BCAS4: variants seen among roughly 807,000 people sequenced by gnomAD.
BCAS4 encodes the protein breast carcinoma-amplified sequence 4.
BCAS4 carries 9 observed loss-of-function variants against 15.7 expected under a neutral mutation model. That is an observed-to-expected ratio of 0.57 (90% CI 0.34 to 1.00). The LOEUF is 1.00. Among genes scored for constraint, BCAS4 ranks in the 50% least tolerant of loss-of-function variants. The probability of loss-of-function intolerance (pLI) is 0.02; values close to 1 mark genes in which losing one functional copy is unlikely to be tolerated. For missense variants in BCAS4, 225 were observed against 239.1 expected, an observed-to-expected ratio of 0.94 and a Z score of 0.39; for synonymous variants, 101 against 99.5, an observed-to-expected ratio of 1.02 and a Z score of -0.09.
chr20:50,816,215 G>A (rs941029798), intron 1 of BCAS4, among the ~76,000 whole-genome samples: 3 of 151,962 alleles, frequency 2.0e-5, no homozygotes, highest in South Asian at 2.1e-4. Flanking sequence ...TAGTAGAGAC[G>A]GGGTTTCGCC....
At position 50,823,347 on chromosome 20, in the gene BCAS4, C is replaced by CA. The variant is rs371427576; in HGVS notation, c.162+5075dup. 4.8e-3 allele frequency among the ~76,000 whole-genome samples: 677 copies of CA among 142,242 alleles called. 3 individuals are homozygous for CA. The highest frequency in any genetic ancestry group is 6.1e-3 in the Non-Finnish European group (396 of 64,816). The allele number at this position is 142,242 out of a possible 152,430, so 93.3% of individuals were successfully genotyped here. ...AGAGTGAGACTCCGTCCCCCCGGCC[C>CA]AAAAAAAAAAGAAGGCTTATTCATG... On this transcript the variant is annotated intron_variant, in intron 2 of 4. Transcript: ENST00000371608.
intron 4 of BCAS4, among the ~76,000 whole-genome samples, chr20:50,869,337 G>A (rs1223160875): frequency 6.6e-6 from 1 of 152,144 alleles, no homozygotes; most frequent in African/African-American, 2.4e-5. Flanking sequence ...AGAGGGGCTG[G>A]CCCAGGCTCT....
At chr20:50,867,980 C>T (rs552623510) in intron 4 of BCAS4, among the ~76,000 whole-genome samples, 1 of 152,214 alleles carries the variant, frequency 6.6e-6, no homozygotes, top group Admixed American at 6.5e-5. Context: ...CCACGCCCAG[C>T]CTCAGACTTT....
chr20:50,865,049 C>A (rs919645243), intron 4 of BCAS4, among the ~76,000 whole-genome samples: 1 of 152,104 alleles, frequency 6.6e-6, no homozygotes, highest in African/African-American at 2.4e-5. Flanking sequence ...GCCGAGATCG[C>A]ACCACTGCAC....
intron 2 of BCAS4, among the ~76,000 whole-genome samples, chr20:50,818,916 C>T (rs2088175878): frequency 1.3e-5 from 2 of 152,218 alleles, no homozygotes; most frequent in African/African-American, 4.8e-5. Flanking sequence ...GGTGCAGTGG[C>T]TCACACCTGT....
chr20:50,866,777 G>A (rs962045428), intron 4 of BCAS4, among the ~76,000 whole-genome samples: 5 of 152,156 alleles, frequency 3.3e-5, no homozygotes, highest in African/African-American at 1.2e-4. Flanking sequence ...GGGCAGGCCT[G>A]GGGTCAAACC....
rs1481437489 is a variant in BCAS4, at chr20:50,851,751, T to C, written c.399+9851T>C. Among the ~76,000 whole-genome samples, 1 of 152,114 alleles carries C rather than the reference T, an allele frequency of 6.6e-6. No homozygotes were observed. Among genetic ancestry groups the C allele is most frequent in the Non-Finnish European group, 1.5e-5 (1 of 68,018 alleles). Reference sequence around the variant, plus strand: ...CTTTGCACATGCCGGTTCCCCTCCCTGGAAAACCCTTCCCGCTCCCCACCT... The same window carrying C: ...CTTTGCACATGCCGGTTCCCCTCCCCGGAAAACCCTTCCCGCTCCCCACCT... On this transcript the variant is annotated intron_variant, in intron 4 of 4. Coordinates refer to ENST00000371608, the MANE Select transcript of BCAS4 (RefSeq NM_198799.4). This position sits in a 1 kb window ranked among gnomAD's most constrained non-coding sequence, Gnocchi z 4.3.
chr20:50,844,796 T>A (rs1217352071), intron 4 of BCAS4, among the ~76,000 whole-genome samples: 3 of 152,032 alleles, frequency 2.0e-5, no homozygotes, highest in Non-Finnish European at 4.4e-5. Flanking sequence ...CACCCTCTCC[T>A]CTCCGCCACA....
chr20:50,844,837 T>C (rs2088524381), intron 4 of BCAS4, among the ~76,000 whole-genome samples: 1 of 152,122 alleles, frequency 6.6e-6, no homozygotes, highest in Admixed American at 6.5e-5. Context: ...GAGAGCCCCC[T>C]AGACCTACCT....
chr20:50,810,537 G>T (rs1380872759), intron 1 of BCAS4, among the ~76,000 whole-genome samples: 1 of 151,964 alleles, frequency 6.6e-6, no homozygotes, highest in Non-Finnish European at 1.5e-5. Context: ...TCATTCTGGT[G>T]GGGAAGATGA....
At chr20:50,809,314 A>G (rs528924564) in intron 1 of BCAS4, among the ~76,000 whole-genome samples, 2 of 152,086 alleles carry the variant, frequency 1.3e-5, no homozygotes, top group South Asian at 2.1e-4. Flanking sequence ...GGTTCAAGCA[A>G]TTCTCCTGCC....
chr20:50,828,466 T>A (rs2088304876), intron 2 of BCAS4, among the ~76,000 whole-genome samples: 1 of 151,962 alleles, frequency 6.6e-6, no homozygotes, highest in African/African-American at 2.4e-5. Context: ...ACAGGTATAG[T>A]TTTCAAAAAA....
intron 4 of BCAS4, among the ~76,000 whole-genome samples, chr20:50,861,296 G>A (rs1216431232): frequency 6.6e-6 from 1 of 152,224 alleles, no homozygotes; most frequent in East Asian, 1.9e-4. Flanking sequence ...CAGCATCGGT[G>A]TGGGCATGGA....
At chr20:50,826,372 C>G (rs551105900) in intron 2 of BCAS4, among the ~76,000 whole-genome samples, 1 of 152,284 alleles carries the variant, frequency 6.6e-6, no homozygotes, top group East Asian at 1.9e-4. Context: ...AGGGAGCAGT[C>G]CCAGCCTTTG....
At chr20:50,801,893 A>T (rs2870011) in intron 1 of BCAS4, among the ~76,000 whole-genome samples, 20,950 of 152,050 alleles carry the variant, frequency 0.14, 1,540 homozygotes, top group South Asian at 0.16. Flanking sequence ...CACAGGGGAA[A>T]GATGAGGGAC....
rs533879009 is a variant in BCAS4 at position 50,808,194 on chromosome 20, G to A, written c.91-10017G>A. On this transcript the variant is annotated intron_variant, in intron 1 of 4. Coordinates refer to ENST00000371608, the MANE Select transcript of BCAS4 (RefSeq NM_198799.4). ...CCCAAAGTGCTGGGATTACAGGCGT[G>A]AGCCACCGCGCCCGGCTGTGCCACA... Among the ~76,000 whole-genome samples, 234 of 152,258 alleles carry A rather than the reference G, an allele frequency of 1.5e-3. 1 individual carries two copies. Among genetic ancestry groups the A allele is most frequent in the Non-Finnish European group, 2.9e-3 (197 of 68,020 alleles).
intron 4 of BCAS4, among the ~76,000 whole-genome samples, chr20:50,874,469 C>A (rs974810990): frequency 2.2e-4 from 34 of 152,240 alleles, no homozygotes; most frequent in Non-Finnish European, 4.7e-4. Context: ...TTCCCCAGGC[C>A]TTTGTGCCTG....
chr20:50,881,302 C>T (rs1186264727), downstream of BCAS4: 3 of 152,024 alleles, frequency 2.0e-5, no homozygotes, highest in East Asian at 5.8e-4. Flanking sequence ...AATCGAGAAG[C>T]CATAAAAGAG....
At chr20:50,812,523 A>G (rs1458591307) in intron 1 of BCAS4, among the ~76,000 whole-genome samples, 2 of 146,214 alleles carry the variant, frequency 1.4e-5, no homozygotes, top group Non-Finnish European at 3.0e-5. Flanking sequence ...TGCAAACTCC[A>G]CCTCCTGGAT....
Sources: gnomAD v4.1 joint callset for allele counts (sites outside exome capture counted in the v4.1 genomes callset) on GRCh38, gnomAD v4.1.1 for gene constraint, Gnocchi (gnomAD v3.1) non-coding constraint, MANE v1.5 for transcripts, NCBI Gene and HGNC (gene_info 2026-07-23, HGNC 2026-07-21) for gene names.